Variants in TCF4 observed in about 807,000 individuals in gnomAD.
TCF4 encodes the protein transcription factor 4.
TCF4 carries 3 observed loss-of-function variants against 82.1 expected under a neutral mutation model. The observed-to-expected ratio is 0.04, with a 90% CI of 0.02 to 0.09. The LOEUF (loss-of-function observed/expected upper bound fraction) is 0.09. TCF4 is among the 10% of genes least tolerant of loss of function. The pLI is 1.00. For missense variants in TCF4, 518 were observed against 852.7 expected, an observed-to-expected ratio of 0.61 and a Z score of 4.89; for synonymous variants, 276 against 309.6, an observed-to-expected ratio of 0.89 and a Z score of 1.14.
intron 2 of TCF4, among the ~76,000 whole-genome samples, chr18:55,607,324 A>T (rs1222509906): frequency 6.6e-6 from 1 of 152,262 alleles, no homozygotes; most frequent in East Asian, 1.9e-4. Context: ...TCAAACGATC[A>T]ATTGAATTTG....
chr18:55,381,925 T>A (rs1788023), intron 6 of TCF4, among the ~76,000 whole-genome samples: 66,570 of 150,644 alleles, frequency 0.44, 15,386 homozygotes, highest in African/African-American at 0.6. Flanking sequence ...TTTTTTTTTT[T>A]AAAAAAGGAA....
chr18:55,437,617 T>C (rs922589070), intron 5 of TCF4, among the ~76,000 whole-genome samples: 1 of 152,190 alleles, frequency 6.6e-6, no homozygotes, highest in African/African-American at 2.4e-5. Context: ...AAATTGACAA[T>C]TTTTTGAAGC....
At chr18:55,589,233 T>G (rs963860146), upstream of TCF4, 1 of 1,029,248 alleles carries the variant, frequency 9.7e-7, no homozygotes, top group African/African-American at 1.7e-5. Flanking sequence ...AACATCGGGA[T>G]CGACATTTTA....
intron 17 of TCF4, chr18:55,230,148 C>CAAAAAAAA (rs398041379): frequency 8.7e-5 from 9 of 103,278 alleles, no homozygotes; most frequent in Non-Finnish European, 1.5e-4. Flanking sequence ...CTGTCTCTTA[C>CAAAAAAAA]AAAAAAAAAA....
intron 5 of TCF4, among the ~76,000 whole-genome samples, chr18:55,414,820 A>G (rs1463843067): frequency 6.6e-6 from 1 of 152,206 alleles, no homozygotes; most frequent in Non-Finnish European, 1.5e-5. Context: ...AAGCAAAACA[A>G]AACAAAAAAT....
In TCF4 at chr18:55,510,726, CT is replaced by C. The variant is rs1200000962; in HGVS notation, c.146-46590del. 9 of 1,404,040 alleles carry C rather than the reference CT, an allele frequency of 6.4e-6. No homozygotes were observed. The African/African-American group carries it at 1.0e-4, about 16-fold the overall frequency. The allele number at this position is 1,404,040 out of a possible 1,614,324, so 87.0% of individuals were successfully genotyped here. A position where few individuals can be genotyped will look rare whatever the true frequency, so the allele number is the denominator to read the frequency against. On this transcript the variant is annotated intron_variant, in intron 3 of 19. Transcript: ENST00000354452. ...AAGGCCTTTCTTTTAAGGGGCCTTC[CT>C]TGTTACTCTCCTGTGCTCCATGGAA...
At chr18:55,463,858 GA>G (rs895282559) in intron 4 of TCF4, among the ~76,000 whole-genome samples, 8 of 151,862 alleles carry the variant, frequency 5.3e-5, no homozygotes, top group African/African-American at 1.7e-4. Context: ...GAGAATGGGG[GA>G]AAAAAATTCC....
rs398041380 is a variant in TCF4, at chr18:55,399,880, TCACACACACA to T, written c.369+3564_369+3573del. 3.0e-4 allele frequency among the ~76,000 whole-genome samples: 19 copies of T among 63,462 alleles called. No homozygotes were observed. The South Asian group carries it at 4.6e-3, about 15-fold the overall frequency. The allele number at this position is 63,462 out of a possible 152,430, so 41.6% of individuals were successfully genotyped here. On this transcript the variant is annotated intron_variant, in intron 6 of 19. Transcript: ENST00000354452. The stretch of plus-strand genomic sequence containing the variant: ...CTCTCTCTCTCTCTCTCTCTCTCTC[TCACACACACA>T]CACACACACACACACACACACACAC...
chr18:55,634,617 G>A (rs1381103102), intron 1 of TCF4, among the ~76,000 whole-genome samples: 1 of 152,160 alleles, frequency 6.6e-6, no homozygotes, highest in Non-Finnish European at 1.5e-5. Context: ...CACGGGCTTT[G>A]TACTTTGGTG....
intron 15 of TCF4, among the ~76,000 whole-genome samples, chr18:55,247,993 G>T (rs560476385): frequency 6.6e-6 from 1 of 152,248 alleles, no homozygotes; most frequent in Middle Eastern, 3.4e-3. Flanking sequence ...AAGACTTGTT[G>T]ACTGCTTGGC....
chr18:55,394,199 G>C (rs1027217001), intron 6 of TCF4, among the ~76,000 whole-genome samples: 2 of 152,146 alleles, frequency 1.3e-5, no homozygotes, highest in Non-Finnish European at 2.9e-5. Flanking sequence ...GTGCCCTGCT[G>C]TTCATTATCA....
chr18:55,269,470 A>T (rs893384528), intron 11 of TCF4: 23 of 326,424 alleles, frequency 7.0e-5, no homozygotes, highest in Middle Eastern at 1.0e-3. Context: ...GAAGTGGTCA[A>T]TAACTACCAT....
chr18:55,598,231 T>C (rs1019161785), intron 2 of TCF4, among the ~76,000 whole-genome samples: 2 of 152,052 alleles, frequency 1.3e-5, no homozygotes, highest in Non-Finnish European at 2.9e-5. Flanking sequence ...ATGAAGCAGA[T>C]AGAGAGAAAA....
chr18:55,333,474 AAAAC>A (rs1483941194), intron 8 of TCF4, among the ~76,000 whole-genome samples: 1 of 152,112 alleles, frequency 6.6e-6, no homozygotes, highest in Non-Finnish European at 1.5e-5. Flanking sequence ...ACAAAACAGA[AAAAC>A]AAACAAAAAA....
At chr18:55,407,579 A>G (rs893319162) in intron 5 of TCF4, among the ~76,000 whole-genome samples, 1 of 152,032 alleles carries the variant, frequency 6.6e-6, no homozygotes, top group African/African-American at 2.4e-5. Context: ...ATGGCAATCA[A>G]TAAAGGATTC....
intron 3 of TCF4, among the ~76,000 whole-genome samples, chr18:55,575,768 TACAC>T (rs1378448766): frequency 6.6e-6 from 1 of 152,168 alleles, no homozygotes; most frequent in Middle Eastern, 3.2e-3. Context: ...GGTATACACA[TACAC>T]ACACACGTGT....
Position 55,521,249 on chromosome 18 carries a change from C to T in TCF4, c.146-57112G>A, listed in dbSNP as rs9945630. On this transcript the variant is annotated intron_variant, in intron 3 of 19. Transcript: ENST00000354452. ...CGGATTCAAGTAGGAGTATTTTTAG[C>T]ATGAAAATAACTTTCTTCAAACAGT... 7.4e-3 allele frequency among the ~76,000 whole-genome samples: 1,132 copies of T among 152,196 alleles called. 11 individuals are homozygous for T. The highest frequency in any genetic ancestry group is 0.044 in the Middle Eastern group (13 of 294).
chr18:55,452,987 A>C (rs1168889781), intron 5 of TCF4, among the ~76,000 whole-genome samples: 1 of 152,182 alleles, frequency 6.6e-6, no homozygotes, highest in African/African-American at 2.4e-5. Flanking sequence ...CAAAATTATT[A>C]AATAGAAAAT....
chr18:55,452,803 C>T (rs1329493191), intron 5 of TCF4: 1 of 152,148 alleles, frequency 6.6e-6, no homozygotes, highest in Non-Finnish European at 1.5e-5. Flanking sequence ...AAACAGCAGA[C>T]CTCACGCTCC....
Sources: gnomAD v4.1 joint callset for allele counts (sites outside exome capture counted in the v4.1 genomes callset) on GRCh38, gnomAD v4.1.1 for gene constraint, MANE v1.5 for transcripts, NCBI Gene and HGNC (gene_info 2026-07-23, HGNC 2026-07-21) for gene names.